RHOJ: variants seen among roughly 807,000 people sequenced by gnomAD.
RHOJ encodes the protein ras homolog family member J.
Under a neutral mutation model 23.4 loss-of-function variants are expected in RHOJ, and 11 were observed. That is an observed-to-expected ratio of 0.47 (90% confidence interval 0.30 to 0.78). The LOEUF is 0.78. RHOJ is among the 30% of genes least tolerant of loss of function. The probability of loss-of-function intolerance (pLI) is 0.08; values close to 1 mark genes in which losing one functional copy is unlikely to be tolerated. For synonymous variants in RHOJ, 102 were observed against 102.7 expected (o/e 0.99, Z 0.04); for missense variants, 254 against 273.4 (o/e 0.93, Z 0.50).
chr14:63,234,930 C>A (rs770455811), intron 1 of RHOJ, among the ~76,000 whole-genome samples: 2 of 152,128 alleles, frequency 1.3e-5, no homozygotes, highest in Non-Finnish European at 2.9e-5. Context: ...GAAATTAGTT[C>A]CCTTCCTTTT....
chr14:63,272,574 T>C lies in RHOJ; in HGVS notation c.237+3406T>C, dbSNP rs75110359. ...TGAGAGGTAAAGTAATAGGAACTCA[T>C]TGTCTCAACCCTCAATGTCAGCGCT... is the stretch of plus-strand genomic sequence containing the variant. On this transcript the variant is annotated intron_variant, in intron 2 of 4. Transcript: ENST00000316754. Among the ~76,000 whole-genome samples, 497 of 152,310 alleles carry C rather than the reference T, an allele frequency of 3.3e-3. 14 individuals carry two copies. In the East Asian group the frequency reaches 0.051, roughly 16 times the overall value.
chr14:63,264,252 C>T (rs907665147), intron 1 of RHOJ, among the ~76,000 whole-genome samples: 1 of 151,936 alleles, frequency 6.6e-6, no homozygotes, highest in Non-Finnish European at 1.5e-5. Context: ...TCAGTTCCCA[C>T]TTATGAGAAC....
At chr14:63,265,373 T>C (rs760208968) in intron 1 of RHOJ, among the ~76,000 whole-genome samples, 6 of 152,264 alleles carry the variant, frequency 3.9e-5, no homozygotes, top group Non-Finnish European at 7.3e-5. Context: ...TTTGTTCCAC[T>C]GGTCTATGTG....
intron 1 of RHOJ, among the ~76,000 whole-genome samples, chr14:63,229,382 C>T (rs1350644940): frequency 3.9e-5 from 6 of 152,202 alleles, no homozygotes; most frequent in African/African-American, 1.4e-4. Context: ...AGAAGTCCAG[C>T]AGGCATGAAT....
At chr14:63,269,014 C>T (rs1895416621) in intron 1 of RHOJ, 96 bp from the exon 2 acceptor site, 3 of 827,174 alleles carry the variant, frequency 3.6e-6, no homozygotes, top group African/African-American at 1.7e-5. Flanking sequence ...CTTCTTGCTG[C>T]CCAAGGAGAT....
At chr14:63,260,450 T>G (rs905686481) in intron 1 of RHOJ, among the ~76,000 whole-genome samples, 1 of 152,140 alleles carries the variant, frequency 6.6e-6, no homozygotes, top group African/African-American at 2.4e-5. Context: ...ATGATAGAAT[T>G]TAAGTGATGG....
At position 63,204,708 on chromosome 14, in the gene RHOJ, A is replaced by G; in HGVS notation, c.-162A>G. 2 of 663,724 alleles carry G rather than the reference A, an allele frequency of 3.0e-6. No individual in the cohort carries two copies. Among genetic ancestry groups the G allele is most frequent in the Non-Finnish European group, 5.2e-6 (2 of 383,484 alleles). 41.1% of individuals were successfully genotyped at this position (663,724 alleles called of 1,614,324 possible). A position where few individuals can be genotyped will look rare whatever the true frequency, so the allele number is the denominator to read the frequency against. On this transcript the variant is annotated 5_prime_UTR_variant, in exon 1 of 5. Coordinates refer to ENST00000316754, the MANE Select transcript of RHOJ (RefSeq NM_020663.5). ...CCTTTCTTTACCAGCATGGTAAGCA[A>G]CAGGACATATCCCAGCCTCGGACAT... is the stretch of plus-strand genomic sequence containing the variant.
In RHOJ at chr14:63,269,013, G is replaced by A. The variant is rs1895416569; in HGVS notation, c.179-97G>A. 4 of 822,628 alleles carry A rather than the reference G, an allele frequency of 4.9e-6. No individual in the cohort carries two copies. The East Asian group carries it at 1.0e-4, about 21-fold the overall frequency. 51.0% of individuals were successfully genotyped at this position (822,628 alleles called of 1,614,324 possible). A position where few individuals can be genotyped will look rare whatever the true frequency, so the allele number is the denominator to read the frequency against. ...AGCGAGGCATATGCTTCTTCTTGCT[G>A]CCCAAGGAGATGCTGGCATGGAAAC... On this transcript the variant is annotated intron_variant, in intron 1 of 4. Coordinates refer to ENST00000316754, the MANE Select transcript of RHOJ (RefSeq NM_020663.5).
intron 1 of RHOJ, among the ~76,000 whole-genome samples, chr14:63,234,507 C>T (rs553108894): frequency 3.3e-4 from 51 of 152,266 alleles, no homozygotes; most frequent in African/African-American, 1.1e-3. Context: ...ATCATCCTTT[C>T]GCTTCAGTAT....
Position 63,214,313 on chromosome 14 carries a change from A to G in RHOJ, c.178+9266A>G, listed in dbSNP as rs921315829. Among the ~76,000 whole-genome samples, 11 of 152,222 alleles carry G rather than the reference A, an allele frequency of 7.2e-5. 1 individual carries two copies. Among genetic ancestry groups the G allele is most frequent in the Admixed American group, 3.9e-4 (6 of 15,290 alleles). ...TTGTGACACTGCTGTTTTAGAGTTC[A>G]AACCCATTTAGATATCACAAATGTA... On this transcript the variant is annotated intron_variant, in intron 1 of 4. Coordinates refer to ENST00000316754, the MANE Select transcript of RHOJ (RefSeq NM_020663.5).
intron 1 of RHOJ, among the ~76,000 whole-genome samples, chr14:63,218,657 C>T (rs960028231): frequency 6.6e-6 from 1 of 152,128 alleles, no homozygotes; most frequent in Non-Finnish European, 1.5e-5. Context: ...AGCAACCTCA[C>T]CAACTGCTAC....
chr14:63,239,604 A>G (rs1894849304), intron 1 of RHOJ, among the ~76,000 whole-genome samples: 1 of 152,230 alleles, frequency 6.6e-6, no homozygotes, highest in African/African-American at 2.4e-5. Flanking sequence ...TTGTTGCTGA[A>G]AGTTGCTTTG....
At chr14:63,258,016 C>T (rs1566621681) in intron 1 of RHOJ, among the ~76,000 whole-genome samples, 4 of 149,656 alleles carry the variant, frequency 2.7e-5, no homozygotes, top group Non-Finnish European at 5.9e-5. Context: ...CACCTGAGGT[C>T]AGGAGTTCAA....
chr14:63,270,966 A>G (rs1190966302), intron 2 of RHOJ, among the ~76,000 whole-genome samples: 2 of 152,182 alleles, frequency 1.3e-5, no homozygotes, highest in Non-Finnish European at 2.9e-5. Flanking sequence ...ACTCTTTAAA[A>G]GCTCTTGTGG....
chr14:63,214,428 C>T (rs1566603830), intron 1 of RHOJ, among the ~76,000 whole-genome samples: 2 of 152,144 alleles, frequency 1.3e-5, no homozygotes, highest in South Asian at 4.1e-4. Flanking sequence ...AGGAGCAATT[C>T]TATAGTCAAC....
intron 1 of RHOJ, among the ~76,000 whole-genome samples, chr14:63,216,753 A>T (rs1894365368): frequency 1.3e-5 from 2 of 152,228 alleles, no homozygotes; most frequent in South Asian, 4.1e-4. Flanking sequence ...CAAAGAGTTG[A>T]TGCTACATCT....
In RHOJ at chr14:63,283,145, A is replaced by C. The variant is rs1307957334; in HGVS notation, c.427A>C (p.Thr143Pro). The C allele has an allele frequency of 6.2e-7, 1 of 1,614,090 alleles. No individual in the cohort carries two copies. Among genetic ancestry groups the C allele is most frequent in the Non-Finnish European group, 8.5e-7 (1 of 1,179,968 alleles). Residue 143 changes from threonine (T) to proline (P), a missense_variant, in exon 4 of 5, where the codon ACC (threonine) becomes CCC (proline). Thr to Pro is a conservative substitution (Grantham distance 38, BLOSUM62 -1). Coordinates refer to ENST00000316754, the MANE Select transcript of RHOJ (RefSeq NM_020663.5). ...GATTGATCTCCGTGATGACCCAAAA[A>C]CCTTGGCCCGTTTGCTGTATATGAA... ...TQIDLRDDPK[T>P]LARLLYMKEK...
chr14:63,261,427 TCTTTTTTTTC>T (rs1200355629), intron 1 of RHOJ, among the ~76,000 whole-genome samples: 2 of 151,706 alleles, frequency 1.3e-5, no homozygotes, highest in African/African-American at 4.9e-5. Flanking sequence ...TTGCCTTTTT[TCTTTTTTTTC>T]CTTTTTTTTG....
chr14:63,254,908 C>A (rs1895136224), intron 1 of RHOJ, among the ~76,000 whole-genome samples: 1 of 152,076 alleles, frequency 6.6e-6, no homozygotes, highest in South Asian at 2.1e-4. Context: ...GTTTTTATAG[C>A]GATCCAAGCT....
Sources: gnomAD v4.1 joint callset for allele counts (sites outside exome capture counted in the v4.1 genomes callset) on GRCh38, gnomAD v4.1.1 for gene constraint, MANE v1.5 for transcripts, NCBI Gene and HGNC (gene_info 2026-07-23, HGNC 2026-07-21) for gene names.